Variants in MAN2B2 observed in about 807,000 individuals in gnomAD.
MAN2B2 encodes the protein epididymis-specific alpha-mannosidase.
MAN2B2 carries 106 observed loss-of-function variants against 117.1 expected under a neutral mutation model. The ratio of observed to expected loss-of-function variants is 0.90; its 90% confidence interval spans 0.77 to 1.06. The LOEUF (loss-of-function observed/expected upper bound fraction) is 1.06, where lower values mean the gene tolerates loss of function less well. Ranked by LOEUF, MAN2B2 falls within the 50% of genes least tolerant of loss-of-function variation. The pLI is 0.00. For missense variants in MAN2B2, 1,326 were observed against 1,381.4 expected, an observed-to-expected ratio of 0.96 and a Z score of 0.64; for synonymous variants, 544 against 595.1, an observed-to-expected ratio of 0.91 and a Z score of 1.25.
rs777400516 is a variant in MAN2B2, at chr4:6,609,873, G to A, written c.2082G>A (p.Glu694=). ...LTHVPQGHDG[E]LLCHRIEQEY... ...ATGTGCCGCAGGGCCATGACGGGGA[G>A]CTGCTCTGCCACCGGATAGAGCAGG... Residue 694 remains glutamate (E), a synonymous_variant, in exon 13 of 19, where the codon GAG becomes GAA. Transcript: ENST00000285599. 5.6e-6 allele frequency: 9 copies of A among 1,614,044 alleles called. No individual in the cohort carries two copies. The highest frequency in any genetic ancestry group is 7.6e-6 in the Non-Finnish European group (9 of 1,180,046).
At chr4:6,604,861 C>T (rs976471259) in intron 10 of MAN2B2, among the ~76,000 whole-genome samples, 194 bp from the exon 11 acceptor site, 4 of 151,968 alleles carry the variant, frequency 2.6e-5, no homozygotes, top group African/African-American at 7.3e-5. Context: ...ATCTTCAGGT[C>T]GCTGAAGGGT....
chr4:6,592,439 C>T (rs1211972585), intron 5 of MAN2B2, among the ~76,000 whole-genome samples: 1 of 152,048 alleles, frequency 6.6e-6, no homozygotes, highest in Non-Finnish European at 1.5e-5. Context: ...GGCCACAGAG[C>T]AAGACCTCGT....
At chr4:6,611,360 C>G in intron 15 of MAN2B2, 82 bp downstream of exon 15, 3 of 1,402,948 alleles carry the variant, frequency 2.1e-6, no homozygotes, top group Non-Finnish European at 1.9e-6. Flanking sequence ...GGGGCCTGTG[C>G]CCTCATGACT....
chr4:6,608,227 G>A (rs1452899701), intron 11 of MAN2B2, among the ~76,000 whole-genome samples: 3 of 151,932 alleles, frequency 2.0e-5, no homozygotes, highest in South Asian at 2.1e-4. Context: ...TAAAAGGATC[G>A]TGCGGGGAAG....
At chr4:6,579,000 CCAT>C (rs1726181765) in intron 3 of MAN2B2, among the ~76,000 whole-genome samples, 1 of 144,600 alleles carries the variant, frequency 6.9e-6, no homozygotes, top group African/African-American at 2.6e-5. Flanking sequence ...ACTACCACTA[CCAT>C]CACCACCACC....
chr4:6,620,419 C>G, intron 18 of MAN2B2: 1 of 217,220 alleles, frequency 4.6e-6, no homozygotes, highest in Non-Finnish European at 9.4e-6. Flanking sequence ...TGAGCTCCTG[C>G]ACTACAGGCA....
intron 18 of MAN2B2, chr4:6,620,423 A>G (rs371177583): frequency 1.7e-4 from 35 of 211,316 alleles, no homozygotes; most frequent in African/African-American, 5.3e-4. Context: ...CTCCTGCACT[A>G]CAGGCAGCTT....
intron 11 of MAN2B2, 39 bp from the exon 12 acceptor site, chr4:6,609,068 C>A: frequency 6.3e-7 from 1 of 1,577,530 alleles, no homozygotes; most frequent in Non-Finnish European, 8.6e-7. Flanking sequence ...AGACCTTGTG[C>A]AGGATGAGAA....
At chr4:6,618,918 GTCTAGGCC>G (rs1553803960) in intron 17 of MAN2B2, 7 of 152,250 alleles carry the variant, frequency 4.6e-5, no homozygotes, top group Non-Finnish European at 8.8e-5. Context: ...CTGAGAGCAG[GTCTAGGCC>G]ATGGCGGGTA....
intron 3 of MAN2B2, among the ~76,000 whole-genome samples, chr4:6,584,637 G>A (rs1009114067): frequency 4.6e-5 from 7 of 152,222 alleles, no homozygotes; most frequent in African/African-American, 1.7e-4. Context: ...TTTCCGATGG[G>A]TCAAGCTTAA....
chr4:6,598,344 G>A lies in MAN2B2; in HGVS notation c.1395G>A (p.Ala465=), dbSNP rs779972557. The change falls in exon 9 of 19, where the codon GCG becomes GCA. Residue 465 remains alanine, a synonymous_variant. Transcript: ENST00000285599. The part of the protein sequence containing the change: ...LDELQPQAPM[A]ASSDAGPAGH... ...AGCTCCAGCCCCAGGCACCCATGGC[G>A]GCCAGCTCCGGTGAGCAGGGCCCTG... The A allele has an allele frequency of 1.4e-5, 22 of 1,611,916 alleles. No individual in the cohort carries two copies. The highest frequency in any genetic ancestry group is 5.3e-5 in the African/African-American group (4 of 74,904).
rs529756050 is a variant in MAN2B2 at position 6,621,908 on chromosome 4, A to T, written c.*623A>T. 1.3e-5 allele frequency: 2 copies of T among 152,482 alleles called. No individual in the cohort carries two copies. The highest frequency in any genetic ancestry group is 3.9e-4 in the East Asian group (2 of 5,190). The allele number at this position is 152,482 out of a possible 1,614,324, so 9.4% of individuals were successfully genotyped here. A position where few individuals can be genotyped will look rare whatever the true frequency, so the allele number is the denominator to read the frequency against. ...AAACCACACAGCAGGGATGTCCAAT[A>T]TCAGAACTATTAATATCAATAAAAG... On this transcript the variant is annotated 3_prime_UTR_variant, in exon 19 of 19. Coordinates refer to ENST00000285599, the MANE Select transcript of MAN2B2 (RefSeq NM_015274.3).
intron 3 of MAN2B2, among the ~76,000 whole-genome samples, chr4:6,579,539 C>T (rs1726345817): frequency 6.6e-6 from 1 of 151,418 alleles, no homozygotes; most frequent in Non-Finnish European, 1.5e-5. Flanking sequence ...TTCACCACTG[C>T]TATGACCACC....
rs1416567863 is a variant in MAN2B2, at chr4:6,621,204, C to T, written c.2949C>T (p.Pro983=). The T allele has an allele frequency of 6.2e-7, 1 of 1,613,892 alleles. No individual in the cohort carries two copies. The highest frequency in any genetic ancestry group is 1.3e-5 in the African/African-American group (1 of 74,914). ...PGRHRGDTTS[P]SRPPGGPIIT... ...TTCCCCTAGGTGACACCACCTCTCC[C>T]TCGAGGCCACCAGGAGGCCCCATCA... Residue 983 remains proline (P), a synonymous_variant, in exon 19 of 19, where the codon CCC becomes CCT. Coordinates refer to ENST00000285599, the MANE Select transcript of MAN2B2 (RefSeq NM_015274.3).
intron 10 of MAN2B2, among the ~76,000 whole-genome samples, chr4:6,602,086 T>G (rs1028818390): frequency 6.6e-6 from 1 of 152,188 alleles, no homozygotes; most frequent in African/African-American, 2.4e-5. Context: ...ACTAAGGGAC[T>G]GGTCAAAGTC....
At position 6,610,931 on chromosome 4, in the gene MAN2B2, C is replaced by T. The variant is rs778711764; in HGVS notation, c.2311C>T (p.Leu771Phe). Residue 771 changes from leucine (L) to phenylalanine (F), a missense_variant, in exon 14 of 19, where the codon CTT (leucine) becomes TTT (phenylalanine). Coordinates refer to ENST00000285599, the MANE Select transcript of MAN2B2 (RefSeq NM_015274.3). ...CTTCATGGAGGATGGCAAAAGCAGG[C>T]TTGTGTTGCTGTCGGAGCGGGCACA... is the stretch of plus-strand genomic sequence containing the variant. Reference protein sequence around the residue: ...SAFMEDGKSRLVLLSERAHGI... With the variant: ...SAFMEDGKSRFVLLSERAHGI... The T allele has an allele frequency of 6.2e-7, 1 of 1,614,210 alleles. No individual in the cohort carries two copies. The highest frequency in any genetic ancestry group is 2.2e-5 in the East Asian group (1 of 44,888).
At chr4:6,609,521 ACCCACAGACCCTGGGG>A (rs1432635569) in intron 12 of MAN2B2, 9 of 626,256 alleles carry the variant, frequency 1.4e-5, no homozygotes, top group Non-Finnish European at 2.2e-5. Flanking sequence ...TGGGAGAGAG[ACCCACAGACCCTGGGG>A]CCCACAGAGC....
intron 15 of MAN2B2, among the ~76,000 whole-genome samples, chr4:6,613,749 G>A (rs931663404): frequency 7.0e-5 from 10 of 142,592 alleles, no homozygotes; most frequent in Non-Finnish European, 3.1e-5. Context: ...GAGGGGACGG[G>A]AGGGAAAAGA....
rs141577019 is a variant in MAN2B2, at chr4:6,621,369, G to A, written c.*84G>A. The A allele has an allele frequency of 7.2e-5, 81 of 1,132,734 alleles. No individual in the cohort carries two copies. The East Asian group carries it at 1.5e-3, about 21-fold the overall frequency. 70.2% of individuals were successfully genotyped at this position (1,132,734 alleles called of 1,614,324 possible). A position where few individuals can be genotyped will look rare whatever the true frequency, so the allele number is the denominator to read the frequency against. On this transcript the variant is annotated 3_prime_UTR_variant, in exon 19 of 19. Coordinates refer to ENST00000285599, the MANE Select transcript of MAN2B2 (RefSeq NM_015274.3). ...GACCCAGGACAGGGAAAAGCAGTGC[G>A]GAGGGATGGGACTGGGGAGTCAGCT...
Sources: gnomAD v4.1 joint callset for allele counts (sites outside exome capture counted in the v4.1 genomes callset) on GRCh38, gnomAD v4.1.1 for gene constraint, MANE v1.5 for transcripts, NCBI Gene and HGNC (gene_info 2026-07-23, HGNC 2026-07-21) for gene names.